NDUFS4: variants seen among roughly 807,000 people sequenced by gnomAD.
NDUFS4 encodes NADH dehydrogenase [ubiquinone] iron-sulfur protein 4, mitochondrial.
In NDUFS4, 28 loss-of-function variants were observed where a neutral mutation model predicts 24.3. The observed-to-expected ratio is 1.15, with a 90% confidence interval of 0.85 to 1.58. NDUFS4 has a LOEUF of 1.58. NDUFS4 is among the 40% of genes most tolerant of loss of function. The probability of loss-of-function intolerance (pLI) is 0.00; values close to 1 mark genes in which losing one functional copy is unlikely to be tolerated. For missense variants in NDUFS4, 223 were observed against 207.9 expected (o/e 1.07, Z -0.45); for synonymous variants, 93 against 69.7 (o/e 1.34, Z -1.67).
intron 1 of NDUFS4, among the ~76,000 whole-genome samples, chr5:53,584,972 T>A (rs1252398152): frequency 3.3e-5 from 5 of 152,172 alleles, no homozygotes. Context: ...TTCACCATGT[T>A]GGCCAGGCTG....
chr5:53,573,743 T>C, intron 1 of NDUFS4: 1 of 236,294 alleles, frequency 4.2e-6, no homozygotes, highest in Non-Finnish European at 8.6e-6. Flanking sequence ...CATGTACCAC[T>C]AAGCTTGACT....
rs191542168 is a variant in NDUFS4, at chr5:53,604,007, A to T, written c.177+477A>T. On this transcript the variant is annotated intron_variant, in intron 2 of 4. Coordinates refer to ENST00000296684, the MANE Select transcript of NDUFS4 (RefSeq NM_002495.4). ...TCTTCATATGTATGAAGAAATAACT[A>T]GCAAGCAACTAGCAAACAACTAGCA... is the stretch of plus-strand genomic sequence containing the variant. Among the ~76,000 whole-genome samples, 313 of 152,292 alleles carry T rather than the reference A, an allele frequency of 2.1e-3. 3 individuals carry two copies. The highest frequency in any genetic ancestry group is 7.3e-3 in the Admixed American group (111 of 15,302).
chr5:53,580,664 T>G lies in NDUFS4; in HGVS notation c.98+19904T>G, dbSNP rs113056407. 1.5e-4 allele frequency among the ~76,000 whole-genome samples: 22 copies of G among 146,874 alleles called. 1 individual carries two copies. The highest frequency in any genetic ancestry group is 5.0e-4 in the African/African-American group (20 of 40,010). ...TATTTATTTTCTTTCTTTCTTTCTC[T>G]CTCTTTCTTTCTTTCTCTTTCGTCC... On this transcript the variant is annotated intron_variant, in intron 1 of 4. Coordinates refer to ENST00000296684, the MANE Select transcript of NDUFS4 (RefSeq NM_002495.4).
chr5:53,641,618 C>G (rs2112501721), intron 2 of NDUFS4, among the ~76,000 whole-genome samples: 1 of 152,232 alleles, frequency 6.6e-6, no homozygotes, highest in East Asian at 1.9e-4. Context: ...GTATCTGAAT[C>G]TATATGGCCC....
At chr5:53,638,748 T>C (rs1751624790) in intron 2 of NDUFS4, among the ~76,000 whole-genome samples, 1 of 152,148 alleles carries the variant, frequency 6.6e-6, no homozygotes, top group African/African-American at 2.4e-5. Context: ...TCTTTGTTTA[T>C]TTGGCCAGTT....
At chr5:53,679,529 A>C (rs567979667) in intron 4 of NDUFS4, among the ~76,000 whole-genome samples, 2 of 152,204 alleles carry the variant, frequency 1.3e-5, no homozygotes, top group Admixed American at 6.5e-5. Context: ...TATATGTATA[A>C]AACTTCATTC....
intron 1 of NDUFS4, among the ~76,000 whole-genome samples, chr5:53,572,767 C>T (rs1460039664): frequency 6.6e-6 from 1 of 151,480 alleles, no homozygotes; most frequent in African/African-American, 2.4e-5. Flanking sequence ...GCCTCAGCCT[C>T]CCAAGTAGCT....
At chr5:53,617,417 C>CTT (rs1750874954) in intron 2 of NDUFS4, among the ~76,000 whole-genome samples, 1 of 151,904 alleles carries the variant, frequency 6.6e-6, no homozygotes, top group Non-Finnish European at 1.5e-5. Context: ...TTCCTGATAC[C>CTT]ACCTTATTCC....
At chr5:53,593,891 G>A in intron 1 of NDUFS4, among the ~76,000 whole-genome samples, 1 of 152,154 alleles carries the variant, frequency 6.6e-6, no homozygotes, top group South Asian at 2.1e-4. Flanking sequence ...TAATTCCATT[G>A]CTGACTGAGA....
intron 2 of NDUFS4, among the ~76,000 whole-genome samples, chr5:53,636,926 T>TGGCAG (rs1224678793): frequency 6.6e-6 from 1 of 152,210 alleles, no homozygotes; most frequent in Non-Finnish European, 1.5e-5. Context: ...CAGCCATGCT[T>TGGCAG]CTTGTACAGC....
chr5:53,598,085 T>A (rs887600484), intron 1 of NDUFS4, among the ~76,000 whole-genome samples: 1 of 152,152 alleles, frequency 6.6e-6, no homozygotes, highest in African/African-American at 2.4e-5. Context: ...ACGACTGCAA[T>A]CCAAAATACT....
intron 3 of NDUFS4, among the ~76,000 whole-genome samples, chr5:53,647,111 T>TA (rs1751891153): frequency 6.6e-6 from 1 of 151,312 alleles, no homozygotes; most frequent in Admixed American, 6.6e-5. Flanking sequence ...GTAAGGGGGG[T>TA]AGGAACTAGG....
chr5:53,648,252 G>A (rs1267041978), intron 3 of NDUFS4, among the ~76,000 whole-genome samples: 1 of 152,132 alleles, frequency 6.6e-6, no homozygotes, highest in Non-Finnish European at 1.5e-5. Flanking sequence ...GATGGAATCG[G>A]CTCATGTCCC....
chr5:53,625,215 T>C (rs1182905659), intron 2 of NDUFS4, among the ~76,000 whole-genome samples: 1 of 152,162 alleles, frequency 6.6e-6, no homozygotes, highest in Non-Finnish European at 1.5e-5. Context: ...CCCAAAGTGC[T>C]GGGATTACAG....
chr5:53,602,650 A>G (rs1343083420), intron 1 of NDUFS4, among the ~76,000 whole-genome samples: 1 of 152,172 alleles, frequency 6.6e-6, no homozygotes, highest in Admixed American at 6.5e-5. Context: ...CAAATGCCAT[A>G]TATTTGGGGT....
chr5:53,561,244 C>T (rs1748835459), intron 1 of NDUFS4, among the ~76,000 whole-genome samples: 1 of 152,206 alleles, frequency 6.6e-6, no homozygotes, highest in South Asian at 2.1e-4. Context: ...CATCAGTCTG[C>T]TTGGGAGGAA....
intron 1 of NDUFS4, among the ~76,000 whole-genome samples, chr5:53,592,975 CTA>C (rs1223425779): frequency 6.6e-6 from 1 of 152,044 alleles, no homozygotes; most frequent in African/African-American, 2.4e-5. Flanking sequence ...ATTTTTGCAT[CTA>C]TATTTATAAG....
At chr5:53,607,238 A>G (rs1750549574) in intron 2 of NDUFS4, among the ~76,000 whole-genome samples, 1 of 152,196 alleles carries the variant, frequency 6.6e-6, no homozygotes, top group Non-Finnish European at 1.5e-5. Context: ...GCGCAGTGAT[A>G]GTTTTTCAAC....
intron 2 of NDUFS4, among the ~76,000 whole-genome samples, chr5:53,631,426 A>C (rs1486495610): frequency 6.6e-6 from 1 of 152,158 alleles, no homozygotes; most frequent in African/African-American, 2.4e-5. Flanking sequence ...TGGGAGAACC[A>C]CTGCTGTCTT....
Sources: gnomAD v4.1 joint callset for allele counts (sites outside exome capture counted in the v4.1 genomes callset) on GRCh38, gnomAD v4.1.1 for gene constraint, MANE v1.5 for transcripts, NCBI Gene and HGNC (gene_info 2026-07-23, HGNC 2026-07-21) for gene names.